The following WDR88 variants were observed in gnomAD, a reference collection of about 807,000 sequenced individuals.
WDR88 encodes the protein WD repeat domain 88.
In WDR88, 40 loss-of-function variants were observed where a neutral mutation model predicts 46.8. The observed-to-expected ratio is 0.86, with a 90% confidence interval of 0.66 to 1.11. The LOEUF is 1.11. Ranked by LOEUF, WDR88 falls within the 50% of genes most tolerant of loss-of-function variation. The probability of loss-of-function intolerance (pLI) is 0.00; values close to 1 mark genes in which losing one functional copy is unlikely to be tolerated. For synonymous variants in WDR88, 235 were observed against 240.7 expected (o/e 0.98, Z 0.22); for missense variants, 562 against 602.4 (o/e 0.93, Z 0.70).
chr19:33,155,521 T>A (rs1406588226), intron 6 of WDR88, among the ~76,000 whole-genome samples: 1 of 149,530 alleles, frequency 6.7e-6, no homozygotes, highest in East Asian at 2.0e-4. Flanking sequence ...AGGATAGGAG[T>A]GAGAAAAAGG....
chr19:33,133,344 T>C (rs1471664749), intron 1 of WDR88, among the ~76,000 whole-genome samples: 1 of 151,964 alleles, frequency 6.6e-6, no homozygotes, highest in Non-Finnish European at 1.5e-5. Context: ...GGTCAAGGGT[T>C]CGAGACCAGC....
chr19:33,156,257 C>CCGAGCCTGTGAGCAT, intron 6 of WDR88, 98 bp from the exon 7 acceptor site: 1 of 1,298,248 alleles, frequency 7.7e-7, no homozygotes, highest in Non-Finnish European at 1.1e-6. Context: ...GCAGCCCGAC[C>CCGAGCCTGTGAGCAT]ATGAGCTCAC....
intron 2 of WDR88, 122 bp downstream of exon 2, chr19:33,137,909 C>G (rs1006849364): frequency 1.3e-6 from 1 of 764,834 alleles, no homozygotes; most frequent in Middle Eastern, 3.8e-4. Flanking sequence ...TGCAGGTCTT[C>G]TGAGCAAAGT....
intron 8 of WDR88, 71 bp from the exon 9 acceptor site, chr19:33,164,126 C>T: frequency 1.4e-6 from 2 of 1,479,800 alleles, no homozygotes; most frequent in South Asian, 1.1e-5. Context: ...AGCCACTACA[C>T]CCAGCTTGTT....
rs533378257 is a variant in WDR88 at position 33,151,152 on chromosome 19, C to T, written c.680-29C>T. ...CAGCCCAGCAGGTGGAAGGCGTGGTCTCAAGTCCCTTTCCTCCGTGTTCTG... is the reference window on the plus strand; with the variant it reads ...CAGCCCAGCAGGTGGAAGGCGTGGTTTCAAGTCCCTTTCCTCCGTGTTCTG... On this transcript the variant is annotated intron_variant, in intron 5 of 10. Transcript: ENST00000355868. 44 of 1,605,402 alleles carry T rather than the reference C, an allele frequency of 2.7e-5. No individual in the cohort carries two copies. In the South Asian group the frequency reaches 4.4e-4, roughly 16 times the overall value.
intron 2 of WDR88, among the ~76,000 whole-genome samples, chr19:33,141,227 G>GTTTTTTTTTT (rs745987290): frequency 0.01 from 1,157 of 113,226 alleles, 181 homozygotes; most frequent in African/African-American, 0.02. Flanking sequence ...GTGGGAGCAT[G>GTTTTTTTTTT]TTTTTTTTTT....
chr19:33,165,115 T>A (rs962351006), intron 9 of WDR88, among the ~76,000 whole-genome samples: 118 of 151,992 alleles, frequency 7.8e-4, no homozygotes, highest in Non-Finnish European at 8.5e-4. Flanking sequence ...TGACAGGAGG[T>A]GGAGCTCAGG....
At chr19:33,147,519 T>C (rs1733441420) in intron 3 of WDR88, 126 bp from the exon 4 acceptor site, 11 of 822,144 alleles carry the variant, frequency 1.3e-5, no homozygotes, top group Non-Finnish European at 2.1e-5. Context: ...AGGAGGGTCG[T>C]TTGAACCTGG....
chr19:33,174,582 GAGGGCACCT>G (rs1974093494), intron 10 of WDR88: 5 of 983,578 alleles, frequency 5.1e-6, no homozygotes, highest in Non-Finnish European at 6.0e-6. Flanking sequence ...AGGGACGCAG[GAGGGCACCT>G]AGCACCTGCA....
At chr19:33,163,054 T>G (rs964982223) in intron 8 of WDR88, among the ~76,000 whole-genome samples, 1 of 151,014 alleles carries the variant, frequency 6.6e-6, no homozygotes, top group African/African-American at 2.4e-5. Context: ...AAACATTAGG[T>G]GGGGTGTGGT....
intron 1 of WDR88, among the ~76,000 whole-genome samples, chr19:33,136,540 A>G (rs1270615872): frequency 6.6e-6 from 1 of 151,846 alleles, no homozygotes; most frequent in Non-Finnish European, 1.5e-5. Context: ...TCATGCTGAG[A>G]ATCTTTTCAT....
rs201998775 is a variant in WDR88, at chr19:33,150,661, A to G, written c.680-520A>G. ...CTTTTTATCGATGTGGCACTATGCCATGTGCACTGCCCCACAGCTTCCCTA... is the reference window on the plus strand; with the variant it reads ...CTTTTTATCGATGTGGCACTATGCCGTGTGCACTGCCCCACAGCTTCCCTA... On this transcript the variant is annotated intron_variant, in intron 5 of 10. Coordinates refer to ENST00000355868, the MANE Select transcript of WDR88 (RefSeq NM_173479.4). Among the ~76,000 whole-genome samples the G allele has an allele frequency of 7.2e-5, 11 of 152,206 alleles. No homozygotes were observed. The East Asian group carries it at 2.1e-3, about 29-fold the overall frequency.
At chr19:33,140,722 G>A (rs943944994) in intron 2 of WDR88, among the ~76,000 whole-genome samples, 4 of 151,880 alleles carry the variant, frequency 2.6e-5, no homozygotes, top group Non-Finnish European at 5.9e-5. Context: ...CCTGGGAGGC[G>A]GAGGTTGCAG....
At chr19:33,174,301 G>A in intron 10 of WDR88, 3 of 1,526,054 alleles carry the variant, frequency 2.0e-6, no homozygotes, top group South Asian at 1.2e-5. Flanking sequence ...CCCCAGGTAG[G>A]GTTTACCCCC....
At position 33,170,379 on chromosome 19, in the gene WDR88, C is replaced by T. The variant is rs545464931; in HGVS notation, c.1150-1969C>T. Among the ~76,000 whole-genome samples the T allele has an allele frequency of 1.8e-3, 275 of 152,114 alleles. 1 individual carries two copies. Among genetic ancestry groups the T allele is most frequent in the Non-Finnish European group, 3.1e-3 (213 of 67,996 alleles). ...ATTTTTAGCGGAGGCGGGGTTTTCCCATGTTGCCCAGGCTGGTCTCAAACT... is the reference window on the plus strand; with the variant it reads ...ATTTTTAGCGGAGGCGGGGTTTTCCTATGTTGCCCAGGCTGGTCTCAAACT... On this transcript the variant is annotated intron_variant, in intron 9 of 10. Coordinates refer to ENST00000355868, the MANE Select transcript of WDR88 (RefSeq NM_173479.4).
chr19:33,148,839 C>T lies in WDR88; in HGVS notation c.608C>T (p.Ser203Leu). 1 of 1,614,172 alleles carries T rather than the reference C, an allele frequency of 6.2e-7. No individual in the cohort carries two copies. Among genetic ancestry groups the T allele is most frequent in the Non-Finnish European group, 8.5e-7 (1 of 1,180,048 alleles). Reference protein sequence around the residue: ...KFSPDGKYVVSGFDVDHGICI... With the variant: ...KFSPDGKYVVLGFDVDHGICI... ...TCTCCTGATGGTAAATACGTGGTCTCAGGCTTCGACGTGGATCATGGAATC... is the reference window on the plus strand; with the variant it reads ...TCTCCTGATGGTAAATACGTGGTCTTAGGCTTCGACGTGGATCATGGAATC... The change falls in exon 5 of 11, where the codon TCA becomes TTA. Residue 203 changes from serine to leucine, a missense_variant. Transcript: ENST00000355868.
At chr19:33,135,198 G>C (rs1024254911) in intron 1 of WDR88, among the ~76,000 whole-genome samples, 5 of 151,992 alleles carry the variant, frequency 3.3e-5, no homozygotes, top group Non-Finnish European at 7.4e-5. Context: ...GTACTCCCCA[G>C]TTCCCCAATA....
At position 33,132,190 on chromosome 19, in the gene WDR88, C is replaced by G. The variant is rs774336672; in HGVS notation, c.21C>G (p.Cys7Trp). ...TCGAGATGGCCTCCCCGCCGCGGTGCTCCCCGACAGCCCATGACAGGGAAT... is the reference window on the plus strand; with the variant it reads ...TCGAGATGGCCTCCCCGCCGCGGTGGTCCCCGACAGCCCATGACAGGGAAT... MASPPR[C>W]SPTAHDRECK... Residue 7 changes from cysteine to tryptophan, a missense_variant, in exon 1 of 11, where the codon TGC (cysteine) becomes TGG (tryptophan). Coordinates refer to ENST00000355868, the MANE Select transcript of WDR88 (RefSeq NM_173479.4). The G allele has an allele frequency of 6.2e-7, 1 of 1,600,802 alleles. No individual in the cohort carries two copies. Among genetic ancestry groups the G allele is most frequent in the South Asian group, 1.1e-5 (1 of 90,902 alleles).
chr19:33,163,309 G>T (rs952428161), intron 8 of WDR88, among the ~76,000 whole-genome samples: 21 of 151,478 alleles, frequency 1.4e-4, no homozygotes, highest in Non-Finnish European at 2.4e-4. Context: ...CTCCAGCCTG[G>T]GTGACAGAGC....
Sources: gnomAD v4.1 joint callset for allele counts (sites outside exome capture counted in the v4.1 genomes callset) on GRCh38, gnomAD v4.1.1 for gene constraint, MANE v1.5 for transcripts, NCBI Gene and HGNC (gene_info 2026-07-23, HGNC 2026-07-21) for gene names.